The following SLC17A5 variants were observed in gnomAD, a reference collection of about 807,000 sequenced individuals.
SLC17A5 encodes the protein solute carrier family 17 member 5.
Under a neutral mutation model 59.4 loss-of-function variants are expected in SLC17A5, and 47 were observed. The ratio of observed to expected loss-of-function variants is 0.79; its 90% CI spans 0.63 to 1.01. The LOEUF is 1.01. SLC17A5 is among the 50% of genes least tolerant of loss of function. The probability of loss-of-function intolerance (pLI) is 0.00; values close to 1 mark genes in which losing one functional copy is unlikely to be tolerated. For missense variants in SLC17A5, 522 were observed against 595.5 expected, an observed-to-expected ratio of 0.88 and a Z score of 1.28; for synonymous variants, 202 against 210.7, an observed-to-expected ratio of 0.96 and a Z score of 0.36.
At chr6:73,598,287 T>A (rs1766907930) in intron 10 of SLC17A5, among the ~76,000 whole-genome samples, 1 of 152,212 alleles carries the variant, frequency 6.6e-6, no homozygotes, top group Non-Finnish European at 1.5e-5. Context: ...ATTGCATTAT[T>A]TATTTATATG....
At chr6:73,636,283 G>GAA (rs58330140) in intron 5 of SLC17A5, among the ~76,000 whole-genome samples, 22 of 95,616 alleles carry the variant, frequency 2.3e-4, no homozygotes, top group Admixed American at 5.7e-4. Context: ...TAAGTAAAAA[G>GAA]AAAAAAAAAA....
intron 1 of SLC17A5, among the ~76,000 whole-genome samples, 165 bp from the exon 2 acceptor site, chr6:73,644,768 G>A (rs138204410): frequency 5.9e-4 from 90 of 152,010 alleles, no homozygotes; most frequent in African/African-American, 2.1e-3. Context: ...CACCATACCC[G>A]GCTGCTTTAA....
chr6:73,601,352 A>G (rs1437670129), intron 9 of SLC17A5, among the ~76,000 whole-genome samples: 4 of 122,308 alleles, frequency 3.3e-5, no homozygotes, highest in Admixed American at 8.2e-5. Context: ...CCCGGCAGCC[A>G]CCCCGTCTGG....
chr6:73,618,337 G>A (rs1474709744), intron 7 of SLC17A5: 5 of 244,040 alleles, frequency 2.0e-5, no homozygotes, highest in African/African-American at 1.1e-4. Context: ...ACCTACCGAC[G>A]AGAACACACC....
chr6:73,630,340 C>T (rs374482656), intron 6 of SLC17A5, among the ~76,000 whole-genome samples: 88 of 152,248 alleles, frequency 5.8e-4, no homozygotes, highest in African/African-American at 1.9e-3. Context: ...ACTATATATG[C>T]TATCATAATT....
rs567644460 is a variant in SLC17A5 at position 73,605,337 on chromosome 6, C to A, written c.1260-4896G>T. On this transcript the variant is annotated intron_variant, in intron 9 of 10. Coordinates refer to ENST00000355773, the MANE Select transcript of SLC17A5 (RefSeq NM_012434.5). Reference sequence around the variant, plus strand: ...TCATGCTTCATTTTTCACCACAAGCCCTGGTGTTGAACTTGTTTATGGCTT... The same window carrying A: ...TCATGCTTCATTTTTCACCACAAGCACTGGTGTTGAACTTGTTTATGGCTT... Among the ~76,000 whole-genome samples, 185 of 152,160 alleles carry A rather than the reference C, an allele frequency of 1.2e-3. 3 individuals carry two copies. Among genetic ancestry groups the A allele is most frequent in the African/African-American group, 4.2e-3 (176 of 41,504 alleles).
intron 7 of SLC17A5, chr6:73,618,613 A>G: frequency 2.2e-6 from 1 of 459,632 alleles, no homozygotes; most frequent in South Asian, 2.0e-5. Context: ...CTCTGAATCA[A>G]GATGAGTGGA....
intron 9 of SLC17A5, among the ~76,000 whole-genome samples, chr6:73,603,632 C>G (rs896739498): frequency 1.3e-5 from 2 of 151,802 alleles, no homozygotes; most frequent in Non-Finnish European, 1.5e-5. Context: ...GTTGGTTAGG[C>G]TGGTCTCAAA....
intron 1 of SLC17A5, among the ~76,000 whole-genome samples, chr6:73,650,506 T>A: frequency 3.3e-5 from 2 of 60,234 alleles, no homozygotes; most frequent in South Asian, 5.4e-4. Context: ...AGACTCCGTC[T>A]CAAAAAAAAA....
chr6:73,611,429 G>C (rs1460869844), intron 8 of SLC17A5, among the ~76,000 whole-genome samples: 1 of 152,068 alleles, frequency 6.6e-6, no homozygotes. Context: ...ACAGGCCTGG[G>C]CCACCATACC....
At chr6:73,625,773 G>T (rs537391618) in intron 6 of SLC17A5, among the ~76,000 whole-genome samples, 4 of 152,176 alleles carry the variant, frequency 2.6e-5, no homozygotes, top group Non-Finnish European at 5.9e-5. Flanking sequence ...ACCCAGGGGA[G>T]CCTTAAAAAC....
intron 10 of SLC17A5, among the ~76,000 whole-genome samples, chr6:73,599,803 T>A (rs1334062468): frequency 9.2e-6 from 1 of 109,202 alleles, no homozygotes; most frequent in African/African-American, 5.2e-5. Flanking sequence ...GTCCTGAAAT[T>A]CTTTTTTTTT....
At chr6:73,625,939 T>C (rs1273143653) in intron 6 of SLC17A5, among the ~76,000 whole-genome samples, 3 of 152,200 alleles carry the variant, frequency 2.0e-5, no homozygotes, top group South Asian at 2.1e-4. Flanking sequence ...TCTGCCCTTA[T>C]CCTTCTTGAT....
At chr6:73,636,597 A>C (rs1032021663) in intron 5 of SLC17A5, 24 bp downstream of exon 5, 2 of 1,268,654 alleles carry the variant, frequency 1.6e-6, no homozygotes, top group African/African-American at 2.9e-5. Flanking sequence ...TTACATTATA[A>C]TTTAGTTAAA....
chr6:73,627,302 G>C (rs664950), intron 6 of SLC17A5, among the ~76,000 whole-genome samples: 24,797 of 151,842 alleles, frequency 0.16, 3,116 homozygotes, highest in African/African-American at 0.35. Flanking sequence ...GTCTCTATCT[G>C]TTGACCTCGT....
intron 1 of SLC17A5, chr6:73,645,212 CATT>C: frequency 6.3e-6 from 2 of 316,846 alleles, no homozygotes; most frequent in Non-Finnish European, 9.1e-6. Flanking sequence ...GTAGCCATCT[CATT>C]GTTAAATGTA....
chr6:73,636,580 G>T, intron 5 of SLC17A5, 41 bp downstream of exon 5: 1 of 1,131,752 alleles, frequency 8.8e-7, no homozygotes, highest in South Asian at 1.2e-5. Flanking sequence ...ATTACATTTT[G>T]AATTTGTTAC....
At chr6:73,623,679 T>C (rs1255381517) in intron 6 of SLC17A5, among the ~76,000 whole-genome samples, 1 of 146,874 alleles carries the variant, frequency 6.8e-6, no homozygotes, top group Non-Finnish European at 1.5e-5. Context: ...TATTTATTTA[T>C]TTATTTATTT....
intron 1 of SLC17A5, among the ~76,000 whole-genome samples, chr6:73,648,571 C>T (rs1055121935): frequency 2.0e-5 from 3 of 152,176 alleles, no homozygotes; most frequent in Admixed American, 1.3e-4. Context: ...CCACCATCTA[C>T]CCACTGGGCT....
Sources: allele counts gnomAD v4.1 joint callset (sites outside exome capture counted in the v4.1 genomes callset), GRCh38; gene constraint gnomAD v4.1.1; transcripts MANE v1.5; gene names NCBI Gene and HGNC (gene_info 2026-07-23, HGNC 2026-07-21).